MRC1: variants seen among roughly 807,000 people sequenced by gnomAD.
MRC1 encodes macrophage mannose receptor 1.
Under a neutral mutation model 102.9 loss-of-function variants are expected in MRC1, and 62 were observed. The ratio of observed to expected loss-of-function variants is 0.60; its 90% CI spans 0.49 to 0.74. The LOEUF is 0.74. MRC1 is among the 30% of genes least tolerant of loss of function. The pLI is 0.00. For synonymous variants in MRC1, 457 were observed against 298.4 expected (o/e 1.53, Z -5.48); for missense variants, 1,237 against 862.8 (o/e 1.43, Z -5.43).
chr10:17,868,213 A>G (rs1196059161), intron 12 of MRC1, among the ~76,000 whole-genome samples: 2 of 152,282 alleles, frequency 1.3e-5, no homozygotes, highest in Non-Finnish European at 1.5e-5. Flanking sequence ...CTGTTCTCAC[A>G]CTGCTATAAA....
intron 1 of MRC1, among the ~76,000 whole-genome samples, chr10:17,814,754 C>T (rs987119314): frequency 6.3e-5 from 9 of 143,904 alleles, no homozygotes; most frequent in East Asian, 6.2e-4. Flanking sequence ...GGCGCCATCT[C>T]GGCTCACCGC....
chr10:17,883,169 C>A (rs1397618132), intron 21 of MRC1, among the ~76,000 whole-genome samples: 1 of 152,144 alleles, frequency 6.6e-6, no homozygotes, highest in Non-Finnish European at 1.5e-5. Context: ...GCTTGATCAC[C>A]CAGGCTGGAG....
At chr10:17,840,870 G>A (rs1564614462) in intron 5 of MRC1, 64 bp downstream of exon 5, 2 of 780,018 alleles carry the variant, frequency 2.6e-6, no homozygotes, top group Non-Finnish European at 4.8e-6. Flanking sequence ...CCCCGAAGAC[G>A]TTTATTATCT....
intron 21 of MRC1, among the ~76,000 whole-genome samples, chr10:17,883,865 C>T (rs973390165): frequency 6.6e-6 from 1 of 152,184 alleles, no homozygotes; most frequent in East Asian, 1.9e-4. Context: ...TACAATTCAA[C>T]CTTTTATGTC....
In MRC1 at chr10:17,870,374, G is replaced by A. The variant is rs2130675494; in HGVS notation, c.2111+1G>A. ...AGCAAACAATATGGCGATTAATAAC[G>A]TAAGTGGTATTTTTATGGATTCCTC... On this transcript the variant is annotated splice_donor_variant, in intron 13 of 29. Coordinates refer to ENST00000569591, the MANE Select transcript of MRC1 (RefSeq NM_002438.4). LOFTEE classifies it high-confidence loss of function. 5.1e-6 allele frequency: 4 copies of A among 780,262 alleles called. No homozygotes were observed. Among genetic ancestry groups the A allele is most frequent in the Non-Finnish European group, 7.2e-6 (3 of 417,602 alleles). 48.3% of individuals were successfully genotyped at this position (780,262 alleles called of 1,614,324 possible). A position where few individuals can be genotyped will look rare whatever the true frequency, so the allele number is the denominator to read the frequency against.
intron 14 of MRC1, among the ~76,000 whole-genome samples, chr10:17,871,529 G>T (rs1833354430): frequency 1.3e-5 from 2 of 152,108 alleles, no homozygotes; most frequent in South Asian, 2.1e-4. Flanking sequence ...AATATTTTCT[G>T]GGTCTTTTTC....
At chr10:17,827,393 A>T in intron 2 of MRC1, 149 bp from the exon 3 acceptor site, 1 of 333,428 alleles carries the variant, frequency 3.0e-6, no homozygotes, top group Non-Finnish European at 5.4e-6. Context: ...AAAAAAAAAA[A>T]AAAAAAAAAA....
intron 1 of MRC1, among the ~76,000 whole-genome samples, chr10:17,811,012 C>T (rs1004905553): frequency 5.3e-5 from 8 of 152,142 alleles, no homozygotes; most frequent in Admixed American, 6.5e-5. Context: ...AGGCTGGCCT[C>T]GAACTCCTGA....
At chr10:17,877,439 C>T (rs2130685808) in intron 17 of MRC1, among the ~76,000 whole-genome samples, 1 of 150,172 alleles carries the variant, frequency 6.7e-6, no homozygotes, top group East Asian at 1.9e-4. Flanking sequence ...CACCATCTCC[C>T]ACAGGGTGAC....
At position 17,900,899 on chromosome 10, in the gene MRC1, T is replaced by A; in HGVS notation, c.3595T>A (p.Trp1199Arg). 1.3e-6 allele frequency: 1 copy of A among 780,844 alleles called. No individual in the cohort carries two copies. The highest frequency in any genetic ancestry group is 1.7e-5 in the Admixed American group (1 of 59,028). 48.4% of individuals were successfully genotyped at this position (780,844 alleles called of 1,614,324 possible). The part of the protein sequence containing the change: ...ACVYLDLDGY[W>R]KTAHCNESFY... ...TGTTTATCTGGATCTTGATGGCTAC[T>A]GGAAGACAGCACATTGCAATGAAAG... Residue 1199 changes from tryptophan to arginine, a missense_variant, in exon 25 of 30, where the codon TGG becomes AGG. Coordinates refer to ENST00000569591, the MANE Select transcript of MRC1 (RefSeq NM_002438.4).
intron 26 of MRC1, among the ~76,000 whole-genome samples, chr10:17,903,109 A>T (rs1252824191): frequency 1.3e-4 from 19 of 151,828 alleles, no homozygotes; most frequent in African/African-American, 3.9e-4. Context: ...CTTTCAACCT[A>T]TTTGTGTCTT....
intron 1 of MRC1, among the ~76,000 whole-genome samples, chr10:17,815,355 G>T (rs1473178769): frequency 1.3e-5 from 2 of 152,222 alleles, no homozygotes; most frequent in Non-Finnish European, 2.9e-5. Context: ...GTGGGGCTAT[G>T]CATGGAAGAA....
intron 1 of MRC1, among the ~76,000 whole-genome samples, chr10:17,809,996 C>A (rs1056186234): frequency 2.6e-5 from 4 of 152,146 alleles, no homozygotes; most frequent in Admixed American, 6.5e-5. Context: ...ATCATCCCCC[C>A]AAAAGAGATT....
At chr10:17,870,221 A>G in intron 12 of MRC1, 25 bp from the exon 13 acceptor site, 3 of 769,418 alleles carry the variant, frequency 3.9e-6, no homozygotes, top group Non-Finnish European at 4.8e-6. Flanking sequence ...GCATAAAATA[A>G]TTTTTGTAAC....
chr10:17,830,208 C>A (rs1191964186), intron 3 of MRC1, among the ~76,000 whole-genome samples: 1 of 151,116 alleles, frequency 6.6e-6, no homozygotes, highest in African/African-American at 2.5e-5. Flanking sequence ...CTTGGCTCAC[C>A]ACAACCTCTG....
chr10:17,877,298 A>T (rs1833449872), intron 17 of MRC1, among the ~76,000 whole-genome samples: 1 of 148,080 alleles, frequency 6.8e-6, no homozygotes, highest in Non-Finnish European at 1.5e-5. Flanking sequence ...CTTAAATAAC[A>T]TGAAATAAAT....
chr10:17,870,505 G>T (rs1833338873), intron 13 of MRC1, 132 bp downstream of exon 13: 1 of 744,814 alleles, frequency 1.3e-6, no homozygotes, highest in Non-Finnish European at 2.5e-6. Context: ...TCCCAAATCT[G>T]TGGGCCCTGT....
chr10:17,845,025 T>A (rs1838804436), intron 5 of MRC1: 1 of 711,942 alleles, frequency 1.4e-6, no homozygotes, highest in Non-Finnish European at 2.7e-6. Flanking sequence ...TATTAGCTGA[T>A]AATGGGGGAA....
At chr10:17,867,222 T>C (rs2130670226) in intron 12 of MRC1, among the ~76,000 whole-genome samples, 1 of 143,362 alleles carries the variant, frequency 7.0e-6, no homozygotes, top group South Asian at 2.5e-4. Flanking sequence ...TCCTCCTTCC[T>C]CCATCCTCCC....
Sources: gnomAD v4.1 joint callset for allele counts (sites outside exome capture counted in the v4.1 genomes callset) on GRCh38, gnomAD v4.1.1 for gene constraint, MANE v1.5 for transcripts, NCBI Gene and HGNC (gene_info 2026-07-23, HGNC 2026-07-21) for gene names.